SERINC4: variants seen among roughly 807,000 people sequenced by gnomAD.
SERINC4 encodes serine incorporator 4.
In SERINC4, 52 loss-of-function variants were observed where a neutral mutation model predicts 52.0. That is an observed-to-expected ratio of 1.00 (90% CI 0.80 to 1.26). SERINC4 has a LOEUF of 1.26. Among genes scored for constraint, SERINC4 ranks in the 50% most tolerant of loss-of-function variants. The pLI is 0.00. For missense variants in SERINC4, 723 were observed against 632.8 expected, an observed-to-expected ratio of 1.14 and a Z score of -1.53; for synonymous variants, 264 against 247.7, an observed-to-expected ratio of 1.07 and a Z score of -0.62.
At chr15:43,796,378 A>G (rs1420991175) in intron 8 of SERINC4, 151 bp from the exon 9 acceptor site, 5 of 729,380 alleles carry the variant, frequency 6.9e-6, no homozygotes, top group Non-Finnish European at 9.3e-6. Flanking sequence ...TATTCATGTG[A>G]GAGCCCTAAG....
Position 43,798,471 on chromosome 15 carries a change from A to AC in SERINC4, c.491dup (p.Leu165SerfsTer10). On this transcript the variant is annotated frameshift_variant, in exon 4 of 12. Coordinates refer to ENST00000319327, the MANE Select transcript of SERINC4 (RefSeq NM_001258031.2). LOFTEE classifies it high-confidence loss of function. ...GAATGCAGAAGGCAATAGCACAGAGACCTAACAGGAACAGCAGCTTGAGGA... is the reference window on the plus strand; with the variant it reads ...GAATGCAGAAGGCAATAGCACAGAGACCCTAACAGGAACAGCAGCTTGAGGA... 6 of 1,614,006 alleles carry AC rather than the reference A, an allele frequency of 3.7e-6. No homozygotes were observed. The highest frequency in any genetic ancestry group is 5.1e-6 in the Non-Finnish European group (6 of 1,179,874).
In SERINC4 at chr15:43,799,385, A is replaced by T. The variant is rs1463979093; in HGVS notation, c.204T>A (p.His68Gln). The part of the protein sequence containing the change: ...TCSRLFYILL[H>Q]VGASAICCLL... Reference sequence around the variant, plus strand: ...GGCAGCAGATTGCTGAGGCCCCCACATGGAGGAGGATGTAGAACAGGCGGC... The same window carrying T: ...GGCAGCAGATTGCTGAGGCCCCCACTTGGAGGAGGATGTAGAACAGGCGGC... Residue 68 changes from histidine to glutamine, a missense_variant, in exon 2 of 12, where the codon CAT becomes CAA. Transcript: ENST00000319327. The T allele has an allele frequency of 6.4e-7, 1 of 1,550,816 alleles. No individual in the cohort carries two copies. Among genetic ancestry groups the T allele is most frequent in the Non-Finnish European group, 8.7e-7 (1 of 1,147,062 alleles).
At chr15:43,797,081 GTAA>G in intron 6 of SERINC4, 61 bp downstream of exon 6, 1 of 1,453,494 alleles carries the variant, frequency 6.9e-7, no homozygotes, top group Non-Finnish European at 9.5e-7. Flanking sequence ...GATTAGGGAG[GTAA>G]TGAAACTTGC....
At chr15:43,795,802 TC>T (rs1567170920) in intron 9 of SERINC4, 66 bp from the exon 10 acceptor site, 1 of 1,537,038 alleles carries the variant, frequency 6.5e-7, no homozygotes, top group African/African-American at 1.4e-5. Context: ...CTAGGAAACT[TC>T]CCCCGTGAAA....
At chr15:43,797,395 A>C (rs1596047537) in intron 5 of SERINC4, 39 bp from the exon 6 acceptor site, 23 of 1,260,498 alleles carry the variant, frequency 1.8e-5, no homozygotes, top group Admixed American at 4.9e-5. Context: ...GAGCTCCAGC[A>C]TTTTTTTTTT....
Position 43,800,001 on chromosome 15 carries a change from T to G in SERINC4, c.-15A>C. ...GCACCCACCATCCTTGTCCCAGGGA[T>G]TAGGCTTAGGTCCACCAGATGGAAG... On this transcript the variant is annotated 5_prime_UTR_variant, in exon 1 of 12. Transcript: ENST00000319327. 6.6e-7 allele frequency: 1 copy of G among 1,511,044 alleles called. No homozygotes were observed. 93.6% of individuals were successfully genotyped at this position (1,511,044 alleles called of 1,614,324 possible). A position where few individuals can be genotyped will look rare whatever the true frequency, so the allele number is the denominator to read the frequency against.
In SERINC4 at chr15:43,795,497, G is replaced by A; in HGVS notation, c.1234C>T (p.Pro412Ser). Reference protein sequence around the residue: ...AARPADQETPPAPPVQVQHLS... With the variant: ...AARPADQETPSAPPVQVQHLS... Reference sequence around the variant, plus strand: ...TGCTGGACTTGGACTGGAGGAGCTGGAGGGGTTTCTTGGTCAGCTGGCCTC... The same window carrying A: ...TGCTGGACTTGGACTGGAGGAGCTGAAGGGGTTTCTTGGTCAGCTGGCCTC... The change falls in exon 11 of 12, where the codon CCA becomes TCA. Residue 412 changes from proline to serine, a missense_variant. By Grantham distance (74) the Pro-to-Ser change is moderately conservative. Coordinates refer to ENST00000319327, the MANE Select transcript of SERINC4 (RefSeq NM_001258031.2). 1 of 1,614,216 alleles carries A rather than the reference G, an allele frequency of 6.2e-7. No homozygotes were observed. The highest frequency in any genetic ancestry group is 1.7e-4 in the Middle Eastern group (1 of 6,058).
chr15:43,799,468 C>G lies in SERINC4; in HGVS notation c.121G>C (p.Ala41Pro). The change falls in exon 2 of 12, where the codon GCT becomes CCT. Residue 41 changes from alanine (A) to proline (P), a missense_variant. Ala to Pro is a conservative substitution (Grantham distance 27). Transcript: ENST00000319327. Reference protein sequence around the residue: ...PFCQVCCCGPAPCASCCHSRW... With the variant: ...PFCQVCCCGPPPCASCCHSRW... ...GAGTGGCAGCAGCTGGCACAAGGAG[C>G]AGGCCCACAGCAGCACACCTGGGAG... The G allele has an allele frequency of 6.4e-7, 1 of 1,550,764 alleles. No homozygotes were observed. The highest frequency in any genetic ancestry group is 1.2e-5 in the South Asian group (1 of 84,064).
chr15:43,796,100 G>T, intron 9 of SERINC4, 55 bp downstream of exon 9: 1 of 1,268,130 alleles, frequency 7.9e-7, no homozygotes, highest in Non-Finnish European at 1.2e-6. Context: ...GGATGTGTGT[G>T]TGTCTTTGTG....
At position 43,796,214 on chromosome 15, in the gene SERINC4, A is replaced by C; in HGVS notation, c.1081T>G (p.Tyr361Asp). 6.2e-7 allele frequency: 1 copy of C among 1,612,834 alleles called. No individual in the cohort carries two copies. Among genetic ancestry groups the C allele is most frequent in the Non-Finnish European group, 8.5e-7 (1 of 1,178,800 alleles). ...CVLFACNEASYLAEVFGPLWI... is the reference protein window; with the variant it reads ...CVLFACNEASDLAEVFGPLWI... ...AGGGGTCCAAATACCTCAGCCAGGT[A>C]GGAGGCCTCATTGCTGAGAAAGAAT... Residue 361 changes from tyrosine to aspartate, a missense_variant, in exon 9 of 12, where the codon TAC becomes GAC. Coordinates refer to ENST00000319327, the MANE Select transcript of SERINC4 (RefSeq NM_001258031.2).
Position 43,796,670 on chromosome 15 carries a change from A to G in SERINC4, c.1013T>C (p.Ile338Thr), listed in dbSNP as rs767503894. The G allele has an allele frequency of 1.9e-5, 30 of 1,614,052 alleles. No individual in the cohort carries two copies. The highest frequency in any genetic ancestry group is 9.3e-5 in the African/African-American group (7 of 74,926). ...GCTAGCACTCAGCATTGCTAGAGAGATATCTGGTGTTTGGGGTTCCATTTT... is the reference window on the plus strand; with the variant it reads ...GCTAGCACTCAGCATTGCTAGAGAGGTATCTGGTGTTTGGGGTTCCATTTT... ...LSKMEPQTPDISLAMLSASIM... is the reference protein window; with the variant it reads ...LSKMEPQTPDTSLAMLSASIM... Residue 338 changes from isoleucine to threonine, a missense_variant, in exon 8 of 12, where the codon ATC becomes ACC. By Grantham distance (89) the Ile-to-Thr change is moderately conservative. Transcript: ENST00000319327.
chr15:43,799,712 T>C (rs1165897868), intron 1 of SERINC4, 173 bp downstream of exon 1: 28 of 821,098 alleles, frequency 3.4e-5, no homozygotes, highest in Non-Finnish European at 5.4e-5. Context: ...ATATCTGACC[T>C]TTCTCTCGAC....
rs2087150237 is a variant in SERINC4 at position 43,794,319 on chromosome 15, A to G, written c.*681T>C. 4.4e-6 allele frequency: 1 copy of G among 228,342 alleles called. No homozygotes were observed. The highest frequency in any genetic ancestry group is 2.3e-5 in the African/African-American group (1 of 44,068). The allele number at this position is 228,342 out of a possible 1,614,324, so 14.1% of individuals were successfully genotyped here. ...ACCATCTCTAGGATGGAGTTGGCCT[A>G]AGAGTGAATGCTGCAAGATCTGTGT... On this transcript the variant is annotated 3_prime_UTR_variant, in exon 12 of 12. Coordinates refer to ENST00000319327, the MANE Select transcript of SERINC4 (RefSeq NM_001258031.2).
In SERINC4 at chr15:43,798,511, A is replaced by C. The variant is rs534736339; in HGVS notation, c.459-7T>G. On this transcript the variant is annotated splice_region_variant and splice_polypyrimidine_tract_variant and intron_variant, in intron 3 of 11. Coordinates refer to ENST00000319327, the MANE Select transcript of SERINC4 (RefSeq NM_001258031.2). ...CAGCTTGAGGAGCCAGAAGCTGGTT[A>C]GGAGGGAGAAAGAAAAACAGACTCA... 1.0e-4 allele frequency: 168 copies of C among 1,608,552 alleles called. No individual in the cohort carries two copies. Among genetic ancestry groups the C allele is most frequent in the African/African-American group, 9.5e-4 (71 of 74,932 alleles).
In SERINC4 at chr15:43,798,296, G is replaced by A. The variant is rs998394517; in HGVS notation, c.538+129C>T. 237 of 759,896 alleles carry A rather than the reference G, an allele frequency of 3.1e-4. 1 individual carries two copies. The highest frequency in any genetic ancestry group is 4.9e-4 in the Non-Finnish European group (207 of 423,842). The allele number at this position is 759,896 out of a possible 1,614,324, so 47.1% of individuals were successfully genotyped here. A position where few individuals can be genotyped will look rare whatever the true frequency, so the allele number is the denominator to read the frequency against. ...GATCTCTTGACCTCGTGATCCGCCC[G>A]CCTCAGCCTCCCAAAGTGCTGGGAT... On this transcript the variant is annotated intron_variant, in intron 4 of 11. Coordinates refer to ENST00000319327, the MANE Select transcript of SERINC4 (RefSeq NM_001258031.2).
chr15:43,798,059 T>G, intron 4 of SERINC4, 46 bp from the exon 5 acceptor site: 1 of 1,464,300 alleles, frequency 6.8e-7, no homozygotes, highest in South Asian at 1.2e-5. Flanking sequence ...GTTACTTTTT[T>G]TTTTTTTTGA....
At chr15:43,797,399 T>G in intron 5 of SERINC4, 43 bp from the exon 6 acceptor site, 1 of 1,486,616 alleles carries the variant, frequency 6.7e-7, no homozygotes, top group African/African-American at 1.4e-5. Context: ...TCCAGCATTT[T>G]TTTTTTTTTT....
intron 4 of SERINC4, 168 bp downstream of exon 4, chr15:43,798,257 G>A (rs1567172156): frequency 1.5e-6 from 1 of 653,808 alleles, no homozygotes; most frequent in Non-Finnish European, 2.8e-6. Flanking sequence ...CACCATGTTA[G>A]CCAGGATTGT....
chr15:43,799,870 T>A lies in SERINC4; in HGVS notation c.102+15A>T. On this transcript the variant is annotated intron_variant, in intron 1 of 11. Coordinates refer to ENST00000319327, the MANE Select transcript of SERINC4 (RefSeq NM_001258031.2). ...CTCCCCAGCTTCGGCCACTCTCCCC[T>A]TCGCACCCTCTCACCTGACAGAAGG... 1 of 1,522,782 alleles carries A rather than the reference T, an allele frequency of 6.6e-7. No homozygotes were observed. Among genetic ancestry groups the A allele is most frequent in the Non-Finnish European group, 8.9e-7 (1 of 1,127,656 alleles). The allele number at this position is 1,522,782 out of a possible 1,614,324, so 94.3% of individuals were successfully genotyped here. A position where few individuals can be genotyped will look rare whatever the true frequency, so the allele number is the denominator to read the frequency against.
Sources: allele counts gnomAD v4.1 joint callset, GRCh38; gene constraint gnomAD v4.1.1; transcripts MANE v1.5; gene names NCBI Gene and HGNC (gene_info 2026-07-23, HGNC 2026-07-21).